Variants in TLR2 observed in about 807,000 individuals in gnomAD.
TLR2 encodes toll-like receptor 2.
Under a neutral mutation model 9.1 loss-of-function variants are expected in TLR2, and 7 were observed. The ratio of observed to expected loss-of-function variants is 0.77; its 90% CI spans 0.44 to 1.44. TLR2 has a LOEUF of 1.44. Ranked by LOEUF, TLR2 falls within the 40% of genes most tolerant of loss-of-function variation. TLR2 has a pLI of 0.01. For missense variants in TLR2, 812 were observed against 904.6 expected (o/e 0.90, Z 1.31); for synonymous variants, 317 against 344.6 (o/e 0.92, Z 0.89).
chr4:153,703,759 T>C lies in TLR2; in HGVS notation c.852T>C (p.Phe284=). The C allele has an allele frequency of 6.2e-7, 1 of 1,614,036 alleles. No homozygotes were observed. Among genetic ancestry groups the C allele is most frequent in the Non-Finnish European group, 8.5e-7 (1 of 1,180,012 alleles). ...NQISGLLELE[F]DDCTLNGVGN... ...TTTCTGGATTGTTAGAATTAGAGTT[T>C]GATGACTGTACCCTTAATGGAGTTG... is the stretch of plus-strand genomic sequence containing the variant. The change falls in exon 3 of 3, where the codon TTT becomes TTC. Residue 284 remains phenylalanine, a synonymous_variant. Coordinates refer to ENST00000642700, the MANE Select transcript of TLR2 (RefSeq NM_001318789.2).
chr4:153,709,406 CAA>C (rs1737432350), downstream of TLR2, among the ~76,000 whole-genome samples: 1 of 152,172 alleles, frequency 6.6e-6, no homozygotes, highest in Admixed American at 6.5e-5. Flanking sequence ...TAATTCAAAA[CAA>C]ATTAATTTTG....
chr4:153,698,496 T>G (rs978691543), intron 2 of TLR2, among the ~76,000 whole-genome samples: 4 of 152,220 alleles, frequency 2.6e-5, no homozygotes, highest in African/African-American at 9.6e-5. Flanking sequence ...GACAGCTATC[T>G]GGTCCTTTCT....
intron 2 of TLR2, among the ~76,000 whole-genome samples, chr4:153,698,386 T>C (rs1278903371): frequency 6.6e-6 from 1 of 152,178 alleles, no homozygotes; most frequent in Non-Finnish European, 1.5e-5. Context: ...TTATCTATGA[T>C]AACCTATTTA....
At position 153,704,450 on chromosome 4, in the gene TLR2, T is replaced by A; in HGVS notation, c.1543T>A (p.Ser515Thr). 1 of 1,614,202 alleles carries A rather than the reference T, an allele frequency of 6.2e-7. No homozygotes were observed. Among genetic ancestry groups the A allele is most frequent in the Non-Finnish European group, 8.5e-7 (1 of 1,180,030 alleles). Residue 515 changes from serine (S) to threonine (T), a missense_variant, in exon 3 of 3, where the codon TCT (serine) becomes ACT (threonine). By Grantham distance (58) the Ser-to-Thr change is moderately conservative. Coordinates refer to ENST00000642700, the MANE Select transcript of TLR2 (RefSeq NM_001318789.2). ...CAGTAGGAATGCAATAACTACGTTT[T>A]CTAAGGAGCAACTTGACTCATTTCA... ...KISRNAITTF[S>T]KEQLDSFHTL...
In TLR2 at chr4:153,685,529, AAAC is replaced by A. The variant is rs567236234; in HGVS notation, c.-163+1172_-163+1174del. On this transcript the variant is annotated intron_variant, in intron 1 of 2. Transcript: ENST00000642700. ...CAAACAAACAACAAAACACAAAACAAAACAAACAAACAACAAAAGCAAGAGCAG... is the reference window on the plus strand; with the variant it reads ...CAAACAAACAACAAAACACAAAACAAAAACAAACAACAAAAGCAAGAGCAG... Among the ~76,000 whole-genome samples the A allele has an allele frequency of 2.6e-3, 394 of 152,330 alleles. 2 individuals carry two copies. Among genetic ancestry groups the A allele is most frequent in the African/African-American group, 8.7e-3 (360 of 41,568 alleles).
chr4:153,703,106 A>G lies in TLR2; in HGVS notation c.199A>G (p.Ile67Val). 6.2e-7 allele frequency: 1 copy of G among 1,614,162 alleles called. No individual in the cohort carries two copies. Among genetic ancestry groups the G allele is most frequent in the Non-Finnish European group, 8.5e-7 (1 of 1,180,034 alleles). ...LDLSNNRITY[I>V]SNSDLQRCVN... is the part of the protein sequence containing the mutation. ...CCTGTCCAACAACAGGATCACCTACATTAGCAACAGTGACCTACAGAGGTG... is the reference window on the plus strand; with the variant it reads ...CCTGTCCAACAACAGGATCACCTACGTTAGCAACAGTGACCTACAGAGGTG... The change falls in exon 3 of 3, where the codon ATT (isoleucine) becomes GTT (valine). Residue 67 changes from isoleucine to valine, a missense_variant. Physicochemically the swap from Ile to Val is conservative, Grantham distance 29. Transcript: ENST00000642700.
Position 153,703,810 on chromosome 4 carries a change from CAG to C in TLR2, c.906_907del (p.Arg302SerfsTer6). The C allele has an allele frequency of 1.9e-6, 3 of 1,613,946 alleles. No individual in the cohort carries two copies. In the East Asian group the frequency reaches 6.7e-5, roughly 36 times the overall value. ...GTAATTTTAGAGCATCTGATAATGA[CAG>C]AGTTATAGATCCAGGTAAAGTGGAA... ...VGNFRASDND[R>X]VIDPGKVETL... On this transcript the variant is annotated frameshift_variant, in exon 3 of 3. Transcript: ENST00000642700. LOFTEE classifies it low-confidence loss of function (END_TRUNC).
intron 1 of TLR2, among the ~76,000 whole-genome samples, 177 bp downstream of exon 1, chr4:153,684,537 G>T (rs750904331): frequency 1.2e-4 from 18 of 152,206 alleles, no homozygotes; most frequent in Admixed American, 6.5e-5. Flanking sequence ...AGCGCACCAG[G>T]CCCCCGGGAC....
At chr4:153,707,409 G>A (rs868732535), downstream of TLR2, among the ~76,000 whole-genome samples, 14 of 152,120 alleles carry the variant, frequency 9.2e-5, no homozygotes, top group Middle Eastern at 6.3e-3. Flanking sequence ...TATTAGCAGG[G>A]CATGGTGGCA....
intron 2 of TLR2, among the ~76,000 whole-genome samples, chr4:153,691,813 A>G (rs1361975232): frequency 2.6e-5 from 4 of 152,126 alleles, no homozygotes; most frequent in African/African-American, 9.7e-5. Context: ...CTGTGGCACA[A>G]TGGTAGTGTC....
chr4:153,710,236 A>G (rs1737469800), downstream of TLR2: 1 of 648,488 alleles, frequency 1.5e-6, no homozygotes, highest in African/African-American at 1.8e-5. Context: ...TTCCACATGG[A>G]CAAATTGCTT....
At chr4:153,701,771 A>T (rs898929566) in intron 2 of TLR2, 4 of 52,752 alleles carry the variant, frequency 7.6e-5, no homozygotes, top group African/African-American at 5.6e-4. Flanking sequence ...CCATTTATTT[A>T]AAAAAAAAAA....
downstream of TLR2, among the ~76,000 whole-genome samples, chr4:153,709,193 A>G (rs1310956695): frequency 6.6e-6 from 1 of 152,244 alleles, no homozygotes; most frequent in Non-Finnish European, 1.5e-5. Flanking sequence ...GAAAGAGGAA[A>G]GTTCTCAACA....
At chr4:153,693,794 C>G (rs1483421602) in intron 2 of TLR2, among the ~76,000 whole-genome samples, 1 of 152,188 alleles carries the variant, frequency 6.6e-6, no homozygotes, top group Admixed American at 6.5e-5. Context: ...TCCGAGCTCC[C>G]CTTCTTACTC....
downstream of TLR2, among the ~76,000 whole-genome samples, chr4:153,708,221 C>T (rs933969448): frequency 6.6e-5 from 10 of 152,110 alleles, no homozygotes; most frequent in Non-Finnish European, 1.5e-4. Context: ...GGCTTATTTG[C>T]CGAGAGTTCT....
chr4:153,699,532 A>G (rs1024296480), intron 2 of TLR2, among the ~76,000 whole-genome samples: 3 of 152,314 alleles, frequency 2.0e-5, no homozygotes, highest in South Asian at 2.1e-4. Context: ...CAAAGGCTAT[A>G]TAGTTGCCCA....
downstream of TLR2, among the ~76,000 whole-genome samples, chr4:153,709,633 T>C (rs1737438057): frequency 6.6e-6 from 1 of 152,212 alleles, no homozygotes; most frequent in Non-Finnish European, 1.5e-5. Flanking sequence ...AAATTTATGA[T>C]AGGATTTCGG....
At position 153,703,149 on chromosome 4, in the gene TLR2, T is replaced by A; in HGVS notation, c.242T>A (p.Leu81Gln). The A allele has an allele frequency of 6.2e-7, 1 of 1,614,236 alleles. No homozygotes were observed. The highest frequency in any genetic ancestry group is 8.5e-7 in the Non-Finnish European group (1 of 1,180,042). ...CAGAGGTGTGTGAACCTCCAGGCTC[T>A]GGTGCTGACATCCAATGGAATTAAC... Reference protein sequence around the residue: ...DLQRCVNLQALVLTSNGINTI... With the variant: ...DLQRCVNLQAQVLTSNGINTI... The change falls in exon 3 of 3, where the codon CTG becomes CAG. Residue 81 changes from leucine to glutamine, a missense_variant. Physicochemically the swap from Leu to Gln is moderately radical, Grantham distance 113 (BLOSUM62 -2). Transcript: ENST00000642700.
At chr4:153,702,762 T>TTGTGTGTGTGTGTGTGTGTGTGTG in intron 2 of TLR2, 130 bp from the exon 3 acceptor site, 1 of 415,694 alleles carries the variant, frequency 2.4e-6, no homozygotes, top group South Asian at 4.0e-5. Flanking sequence ...CTCTCTCTCT[T>TTGTGTGTGTGTGTGTGTGTGTGTG]TGTGTGTGTG....
Sources: allele counts gnomAD v4.1 joint callset (sites outside exome capture counted in the v4.1 genomes callset), GRCh38; gene constraint gnomAD v4.1.1; transcripts MANE v1.5; gene names NCBI Gene and HGNC (gene_info 2026-07-23, HGNC 2026-07-21).